The following PTPRN2 variants were observed in gnomAD, a reference collection of about 807,000 sequenced individuals.
PTPRN2 encodes the protein protein tyrosine phosphatase receptor type N2.
A neutral mutation model predicts 118.8 loss-of-function variants in PTPRN2; 74 were observed. That is an observed-to-expected ratio of 0.62 (90% CI 0.52 to 0.76). The LOEUF is 0.76. Ranked by LOEUF, PTPRN2 falls within the 30% of genes least tolerant of loss-of-function variation. PTPRN2 has a pLI of 0.00. For missense variants in PTPRN2, 1,481 were observed against 1,394.4 expected (o/e 1.06, Z -0.99); for synonymous variants, 641 against 608.0 (o/e 1.05, Z -0.80).
chr7:158,407,200 GGTCCTGGGTCCTGCGTCCTGC>G lies in PTPRN2; in HGVS notation c.163+82514_163+82534del, dbSNP rs1563254521. ...CCTGCGTCCTGGGTCCTGGGTCCTG[GGTCCTGGGTCCTGCGTCCTGC>G]GTCCTGGGTCCTGGGTCCTGGGTCC... On this transcript the variant is annotated intron_variant, in intron 2 of 22. Coordinates refer to ENST00000389418, the MANE Select transcript of PTPRN2 (RefSeq NM_002847.5). Among the ~76,000 whole-genome samples the G allele has an allele frequency of 3.4e-3, 82 of 23,826 alleles. 2 individuals are homozygous for G. Among genetic ancestry groups the G allele is most frequent in the African/African-American group, 7.8e-3 (69 of 8,822 alleles). 15.6% of individuals were successfully genotyped at this position (23,826 alleles called of 152,430 possible).
At chr7:157,757,977 G>C (rs1343085830) in intron 12 of PTPRN2, among the ~76,000 whole-genome samples, 1 of 151,156 alleles carries the variant, frequency 6.6e-6, no homozygotes, top group Non-Finnish European at 1.5e-5. Context: ...ACCACGTGGT[G>C]GATCATCCAC....
chr7:158,480,319 C>T (rs1254549471), intron 2 of PTPRN2, among the ~76,000 whole-genome samples: 4 of 152,108 alleles, frequency 2.6e-5, no homozygotes, highest in Non-Finnish European at 5.9e-5. Flanking sequence ...CACCATGAAC[C>T]GTGCCCATAG....
At chr7:158,173,404 A>C (rs546488826) in intron 5 of PTPRN2, among the ~76,000 whole-genome samples, 74 of 152,340 alleles carry the variant, frequency 4.9e-4, no homozygotes, top group African/African-American at 1.7e-3. Context: ...CCTGAGCCAC[A>C]AAACCAGCAA....
At chr7:157,941,208 C>CCA (rs1304319922) in intron 11 of PTPRN2, among the ~76,000 whole-genome samples, 2 of 76,560 alleles carry the variant, frequency 2.6e-5, no homozygotes, top group South Asian at 9.2e-4. Context: ...AACACTCTCC[C>CCA]CCATGACACT....
intron 9 of PTPRN2, among the ~76,000 whole-genome samples, chr7:158,115,768 G>T (rs1207638178): frequency 6.6e-6 from 1 of 152,164 alleles, no homozygotes; most frequent in East Asian, 1.9e-4. Flanking sequence ...TTATAGCACT[G>T]CGAGTGGACT....
chr7:157,612,741 G>A (rs1802445054), intron 15 of PTPRN2, among the ~76,000 whole-genome samples: 1 of 152,216 alleles, frequency 6.6e-6, no homozygotes, highest in Admixed American at 6.5e-5. Context: ...CCCTAGAGGC[G>A]TAACTGATGG....
chr7:158,532,654 A>T, intron 1 of PTPRN2: 4 of 509,716 alleles, frequency 7.8e-6, no homozygotes, highest in Non-Finnish European at 1.7e-5. Context: ...CCGGGACATG[A>T]TGTGATTAGA....
At position 157,974,719 on chromosome 7, in the gene PTPRN2, G is replaced by A. The variant is rs1802605901; in HGVS notation, c.1724-75982C>T. Among the ~76,000 whole-genome samples, 1 of 152,060 alleles carries A rather than the reference G, an allele frequency of 6.6e-6. No homozygotes were observed. Among genetic ancestry groups the A allele is most frequent in the Non-Finnish European group, 1.5e-5 (1 of 68,008 alleles). On this transcript the variant is annotated intron_variant, in intron 11 of 22. Transcript: ENST00000389418. This position sits in a 1 kb window ranked among gnomAD's most constrained non-coding sequence, Gnocchi z 4.0. ...CTCCATGGGAAGACACAGGTAGCGG[G>A]TCAGGTGCTGGGGAGGTGTTGCTGG...
intron 1 of PTPRN2, among the ~76,000 whole-genome samples, chr7:158,557,057 A>G (rs1272489605): frequency 9.4e-6 from 1 of 106,362 alleles, no homozygotes; most frequent in Non-Finnish European, 1.8e-5. Flanking sequence ...GGTCACTCCC[A>G]GGCAGGTGGC....
chr7:158,481,534 G>A (rs755973772), intron 2 of PTPRN2, among the ~76,000 whole-genome samples: 14 of 152,166 alleles, frequency 9.2e-5, no homozygotes, highest in South Asian at 2.1e-4. Flanking sequence ...GTGCGATCTC[G>A]GCTCACTACA....
At position 157,962,804 on chromosome 7, in the gene PTPRN2, A is replaced by T. The variant is rs547921586; in HGVS notation, c.1724-64067T>A. Among the ~76,000 whole-genome samples the T allele has an allele frequency of 2.0e-5, 3 of 152,318 alleles. 1 individual carries two copies. The highest frequency in any genetic ancestry group is 7.2e-5 in the African/African-American group (3 of 41,580). On this transcript the variant is annotated intron_variant, in intron 11 of 22. Coordinates refer to ENST00000389418, the MANE Select transcript of PTPRN2 (RefSeq NM_002847.5). ...AGCCTCACCCCAGAAGGAATTTACA[A>T]ATGAGGACCATATATGGCATGGACT...
intron 2 of PTPRN2, among the ~76,000 whole-genome samples, chr7:158,365,616 A>G (rs1257834418): frequency 6.6e-6 from 1 of 151,318 alleles, no homozygotes; most frequent in Non-Finnish European, 1.5e-5. Context: ...ACGCACACAC[A>G]CCCACAGCAT....
At chr7:158,215,607 A>T (rs1368951719) in intron 3 of PTPRN2, among the ~76,000 whole-genome samples, 1 of 152,202 alleles carries the variant, frequency 6.6e-6, no homozygotes, top group Non-Finnish European at 1.5e-5. Context: ...GAAAAATCTT[A>T]ACAGCAGCCA....
intron 1 of PTPRN2, among the ~76,000 whole-genome samples, chr7:158,585,744 G>A (rs1481817418): frequency 6.6e-6 from 1 of 152,208 alleles, no homozygotes; most frequent in Admixed American, 6.5e-5. Flanking sequence ...GCAATGGCAA[G>A]GAAAGCAGTC....
intron 5 of PTPRN2, among the ~76,000 whole-genome samples, chr7:158,171,336 T>TACACAC (rs1823676017): frequency 8.3e-6 from 1 of 121,176 alleles, no homozygotes; most frequent in African/African-American, 3.2e-5. Flanking sequence ...TATATATATA[T>TACACAC]ATATATATAT....
intron 14 of PTPRN2, 36 bp from the exon 15 acceptor site, chr7:157,621,545 G>A: frequency 6.2e-7 from 1 of 1,606,720 alleles, no homozygotes; most frequent in Non-Finnish European, 8.5e-7. Flanking sequence ...GCGCACCTAG[G>A]TGGTGAGCCC....
chr7:158,507,139 G>A (rs1022750677), intron 1 of PTPRN2, among the ~76,000 whole-genome samples: 3 of 152,232 alleles, frequency 2.0e-5, no homozygotes, highest in African/African-American at 7.2e-5. Context: ...GGATCTCTCA[G>A]GACCCAGGGC....
At chr7:158,243,430 G>A (rs1247175895) in intron 3 of PTPRN2, among the ~76,000 whole-genome samples, 1 of 152,196 alleles carries the variant, frequency 6.6e-6, no homozygotes, top group Non-Finnish European at 1.5e-5. Flanking sequence ...TTAAAAGTCT[G>A]GTCACTGTAG....
intron 2 of PTPRN2, among the ~76,000 whole-genome samples, chr7:158,384,452 G>C (rs2151355350): frequency 6.6e-6 from 1 of 152,268 alleles, no homozygotes; most frequent in African/African-American, 2.4e-5. Context: ...GGTAGGCACT[G>C]ACAGTATCCA....
Sources: allele counts gnomAD v4.1 joint callset (sites outside exome capture counted in the v4.1 genomes callset), GRCh38; gene constraint gnomAD v4.1.1; non-coding constraint Gnocchi (gnomAD v3.1); transcripts MANE v1.5; gene names NCBI Gene and HGNC (gene_info 2026-07-23, HGNC 2026-07-21).